Variants in RORA observed in about 807,000 individuals in gnomAD.
The protein encoded by RORA is nuclear receptor ROR-alpha.
A neutral mutation model predicts 69.5 loss-of-function variants in RORA; 7 were observed. That is an observed-to-expected ratio of 0.10 (90% CI 0.06 to 0.19). The LOEUF (loss-of-function observed/expected upper bound fraction) is 0.19. Ranked by LOEUF, RORA falls within the 10% of genes least tolerant of loss-of-function variation. The pLI, the probability that RORA is intolerant of heterozygous loss-of-function variation, is 1.00. For synonymous variants in RORA, 261 were observed against 240.8 expected (o/e 1.08, Z -0.78); for missense variants, 457 against 663.0 (o/e 0.69, Z 3.41).
At position 61,226,868 on chromosome 15, in the gene RORA, T is replaced by C. The variant is rs752001888; in HGVS notation, c.166+2185A>G. Among the ~76,000 whole-genome samples, 3 of 151,690 alleles carry C rather than the reference T, an allele frequency of 2.0e-5. No individual in the cohort carries two copies. Among genetic ancestry groups the C allele is most frequent in the Non-Finnish European group, 2.9e-5 (2 of 67,896 alleles). The stretch of plus-strand genomic sequence containing the variant: ...GACAGGGGCTGGTTCAAAGAATGAG[T>C]TGGGGTGGGGGCAGAGGGTGGGGGG... On this transcript the variant is annotated intron_variant, in intron 1 of 10. Transcript: ENST00000335670. The surrounding 1 kb of genome is among the most constrained non-coding windows in gnomAD (Gnocchi z 4.2).
chr15:60,820,068 C>T (rs534733239), intron 1 of RORA, among the ~76,000 whole-genome samples: 6 of 152,256 alleles, frequency 3.9e-5, no homozygotes, highest in Non-Finnish European at 7.3e-5. Flanking sequence ...CGGTCCTCCC[C>T]TGGGCCACAG....
intron 1 of RORA, among the ~76,000 whole-genome samples, chr15:60,925,380 A>C (rs2140493871): frequency 2.6e-5 from 4 of 152,358 alleles, no homozygotes; most frequent in African/African-American, 9.6e-5. Context: ...GAAAGGAGAC[A>C]GGCTGGACCA....
chr15:61,174,013 C>T (rs2079607125), intron 1 of RORA, among the ~76,000 whole-genome samples: 1 of 152,178 alleles, frequency 6.6e-6, no homozygotes, highest in Admixed American at 6.5e-5. Flanking sequence ...CCTTTATTGG[C>T]AGAAATTTTG....
At chr15:60,968,260 T>C (rs1223020057) in intron 1 of RORA, among the ~76,000 whole-genome samples, 1 of 152,162 alleles carries the variant, frequency 6.6e-6, no homozygotes. Context: ...GAAGGGCACT[T>C]GGGAGCAAAT....
chr15:60,899,681 C>T (rs755661904), intron 1 of RORA, among the ~76,000 whole-genome samples: 6 of 152,206 alleles, frequency 3.9e-5, no homozygotes, highest in Non-Finnish European at 5.9e-5. Context: ...AAGTAGCAAC[C>T]TACTTTCCAA....
At chr15:61,014,741 T>C (rs1895220299) in intron 1 of RORA, among the ~76,000 whole-genome samples, 1 of 152,184 alleles carries the variant, frequency 6.6e-6, no homozygotes, top group Admixed American at 6.5e-5. Flanking sequence ...TACATTTTCC[T>C]ATCAATTTTT....
intron 3 of RORA, among the ~76,000 whole-genome samples, chr15:60,523,392 A>G (rs970018859): frequency 6.6e-6 from 1 of 152,232 alleles, no homozygotes; most frequent in African/African-American, 2.4e-5. Flanking sequence ...ATTTGTCTAT[A>G]TGAAATTTAA....
In RORA at chr15:60,560,033, T is replaced by C. The variant is rs545031986; in HGVS notation, c.197-28182A>G. On this transcript the variant is annotated intron_variant, in intron 2 of 10. Coordinates refer to ENST00000335670, the MANE Select transcript of RORA (RefSeq NM_134261.3). ...TGTGAAAATGAATTTGTGATTTTAGTTCATTTTTGGATGATTTCAACCAAT... is the reference window on the plus strand; with the variant it reads ...TGTGAAAATGAATTTGTGATTTTAGCTCATTTTTGGATGATTTCAACCAAT... Among the ~76,000 whole-genome samples the C allele has an allele frequency of 2.0e-5, 3 of 152,050 alleles. No individual in the cohort carries two copies. In the South Asian group the frequency reaches 6.2e-4, roughly 31 times the overall value.
At chr15:60,647,537 G>A (rs1448735205) in intron 2 of RORA, among the ~76,000 whole-genome samples, 18 of 152,218 alleles carry the variant, frequency 1.2e-4, no homozygotes, top group Non-Finnish European at 2.9e-5. Context: ...TCCCAAGGCA[G>A]GAGTGAGGAG....
intron 1 of RORA, among the ~76,000 whole-genome samples, chr15:60,743,511 C>T (rs142147076): frequency 4.7e-4 from 71 of 152,302 alleles, no homozygotes; most frequent in African/African-American, 1.7e-3. Flanking sequence ...CAGTGAATAG[C>T]ATATCTACTT....
intron 1 of RORA, among the ~76,000 whole-genome samples, chr15:60,751,881 A>G (rs1407344428): frequency 6.6e-6 from 1 of 152,160 alleles, no homozygotes; most frequent in Non-Finnish European, 1.5e-5. Context: ...CACTCCAAGT[A>G]AGGATGGGAC....
intron 1 of RORA, among the ~76,000 whole-genome samples, chr15:60,718,963 G>A (rs1459451817): frequency 1.3e-5 from 2 of 152,118 alleles, no homozygotes; most frequent in African/African-American, 4.8e-5. Context: ...TGAAAGTGAG[G>A]TGTAGAGGTC....
intron 1 of RORA, among the ~76,000 whole-genome samples, chr15:61,010,901 T>C (rs1313232286): frequency 1.3e-5 from 2 of 152,226 alleles, no homozygotes; most frequent in Non-Finnish European, 2.9e-5. Flanking sequence ...TCCTTGGTTC[T>C]GTTCTGCTGT....
At chr15:61,103,373 T>C (rs2078908007) in intron 1 of RORA, among the ~76,000 whole-genome samples, 1 of 152,234 alleles carries the variant, frequency 6.6e-6, no homozygotes, top group South Asian at 2.1e-4. Context: ...TCATTGCTCC[T>C]ACTACTCCTT....
At chr15:60,515,935 A>AT (rs1423916935) in intron 3 of RORA, among the ~76,000 whole-genome samples, 1 of 17,256 alleles carries the variant, frequency 5.8e-5, no homozygotes, top group African/African-American at 3.2e-4. Context: ...ATTTATATAT[A>AT]TATTTATATA....
At chr15:60,743,142 G>A (rs1189365657) in intron 1 of RORA, among the ~76,000 whole-genome samples, 1 of 150,596 alleles carries the variant, frequency 6.6e-6, no homozygotes, top group Non-Finnish European at 1.5e-5. Flanking sequence ...AGCCTCCTGA[G>A]TAGCTGGGAC....
intron 1 of RORA, among the ~76,000 whole-genome samples, chr15:61,166,883 A>G (rs2079543366): frequency 6.6e-6 from 1 of 152,086 alleles, no homozygotes. Context: ...GTACATCTCC[A>G]TAATTAGATT....
At chr15:60,750,191 C>G (rs996794176) in intron 1 of RORA, among the ~76,000 whole-genome samples, 4 of 152,138 alleles carry the variant, frequency 2.6e-5, no homozygotes, top group Non-Finnish European at 4.4e-5. Flanking sequence ...GTAATTTGCC[C>G]AAAGCCATAC....
Position 61,202,497 on chromosome 15 carries a change from G to A in RORA, c.166+26556C>T, listed in dbSNP as rs747903747. Among the ~76,000 whole-genome samples, 5 of 152,078 alleles carry A rather than the reference G, an allele frequency of 3.3e-5. No homozygotes were observed. The South Asian group carries it at 6.2e-4, about 19-fold the overall frequency. On this transcript the variant is annotated intron_variant, in intron 1 of 10. Coordinates refer to ENST00000335670, the MANE Select transcript of RORA (RefSeq NM_134261.3). ...CAAAGCAAAAAGAATAAGAAGAAAC[G>A]TACAGATGATGCAATGCTGGCCTGG...
Sources: allele counts gnomAD v4.1 joint callset (sites outside exome capture counted in the v4.1 genomes callset), GRCh38; gene constraint gnomAD v4.1.1; non-coding constraint Gnocchi (gnomAD v3.1); transcripts MANE v1.5; gene names NCBI Gene and HGNC (gene_info 2026-07-23, HGNC 2026-07-21).